Variants in SHANK2 observed in about 807,000 individuals in gnomAD.
SHANK2 encodes SH3 and multiple ankyrin repeat domains protein 2.
A neutral mutation model predicts 133.7 loss-of-function variants in SHANK2; 43 were observed. That is an observed-to-expected ratio of 0.32 (90% confidence interval 0.25 to 0.41). The LOEUF is 0.41. Ranked by LOEUF, SHANK2 falls within the 10% of genes least tolerant of loss-of-function variation. The probability of loss-of-function intolerance (pLI) is 1.00; values close to 1 mark genes in which losing one functional copy is unlikely to be tolerated. For synonymous variants in SHANK2, 1,017 were observed against 952.8 expected (o/e 1.07, Z -1.24); for missense variants, 1,994 against 2,235.8 (o/e 0.89, Z 2.18).
chr11:70,639,005 C>CA lies in SHANK2; in HGVS notation c.2061+20822dup, dbSNP rs1311455698. 8.0e-5 allele frequency among the ~76,000 whole-genome samples: 12 copies of CA among 150,372 alleles called. 1 individual carries two copies. The highest frequency in any genetic ancestry group is 4.6e-4 in the Admixed American group (7 of 15,156). ...AGAGTGAGACTCCATCTCAAAAAAACAAAAAAACAAAAAAAAAACAAAAAA... is the reference window on the plus strand; with the variant it reads ...AGAGTGAGACTCCATCTCAAAAAAACAAAAAAAACAAAAAAAAAACAAAAAA... On this transcript the variant is annotated intron_variant, in intron 17 of 25. Transcript: ENST00000601538.
chr11:70,749,769 G>A (rs114584809), intron 14 of SHANK2, among the ~76,000 whole-genome samples: 1 of 152,044 alleles, frequency 6.6e-6, no homozygotes, highest in African/African-American at 2.4e-5. Flanking sequence ...ACAAGACTCA[G>A]GGAACTTGAC....
At chr11:70,632,738 C>G (rs377420434) in intron 17 of SHANK2, among the ~76,000 whole-genome samples, 1 of 152,084 alleles carries the variant, frequency 6.6e-6, no homozygotes, top group Non-Finnish European at 1.5e-5. Flanking sequence ...CAGAAAAGGG[C>G]GCATGAGGGT....
chr11:71,210,237 TATATATATA>T (rs1954236585), intron 2 of SHANK2, among the ~76,000 whole-genome samples: 1 of 104,522 alleles, frequency 9.6e-6, no homozygotes, highest in East Asian at 3.1e-4. Flanking sequence ...TATATATATA[TATATATATA>T]TATATATTTA....
intron 17 of SHANK2, among the ~76,000 whole-genome samples, chr11:70,639,807 C>A (rs2061153234): frequency 6.6e-6 from 1 of 152,050 alleles, no homozygotes; most frequent in African/African-American, 2.4e-5. Flanking sequence ...AGCGGACCCC[C>A]CTTGAGCCCC....
At position 70,807,560 on chromosome 11, in the gene SHANK2, G is replaced by A. The variant is rs927765481; in HGVS notation, c.1494-389C>T. ...AATTAAACTCTGGGCCAGGCGTGGT[G>A]GGATCACATCTGTAATCCCAGCACT... On this transcript the variant is annotated intron_variant, in intron 12 of 25. Coordinates refer to ENST00000601538, the MANE Select transcript of SHANK2 (RefSeq NM_012309.5). The surrounding 1 kb of genome is among the most constrained non-coding windows in gnomAD (Gnocchi z 4.8). 6.6e-6 allele frequency among the ~76,000 whole-genome samples: 1 copy of A among 152,248 alleles called. No homozygotes were observed. Among genetic ancestry groups the A allele is most frequent in the Admixed American group, 6.5e-5 (1 of 15,292 alleles).
chr11:71,188,712 C>G lies in SHANK2; in HGVS notation c.-13+35985G>C, dbSNP rs1236547892. Reference sequence around the variant, plus strand: ...CCCTGCTCACTCATCTGTCGCCCACCACACCTCTCCTCATCTGCTGAGGGC... The same window carrying G: ...CCCTGCTCACTCATCTGTCGCCCACGACACCTCTCCTCATCTGCTGAGGGC... On this transcript the variant is annotated intron_variant, in intron 2 of 25. Coordinates refer to ENST00000601538, the MANE Select transcript of SHANK2 (RefSeq NM_012309.5). The surrounding 1 kb of genome is among the most constrained non-coding windows in gnomAD (Gnocchi z 4.6). Among the ~76,000 whole-genome samples the G allele has an allele frequency of 2.0e-5, 3 of 152,184 alleles. No individual in the cohort carries two copies. The highest frequency in any genetic ancestry group is 4.4e-5 in the Non-Finnish European group (3 of 68,028).
At chr11:70,947,146 C>G (rs1950758501) in intron 10 of SHANK2, among the ~76,000 whole-genome samples, 1 of 123,844 alleles carries the variant, frequency 8.1e-6, no homozygotes, top group African/African-American at 2.7e-5. Context: ...CACACACACA[C>G]ACACACACAC....
At chr11:70,859,323 T>C (rs1300713686) in intron 11 of SHANK2, among the ~76,000 whole-genome samples, 1 of 151,928 alleles carries the variant, frequency 6.6e-6, no homozygotes, top group Non-Finnish European at 1.5e-5. Flanking sequence ...GAGGGATAGA[T>C]GAATGGACTG....
intron 2 of SHANK2, among the ~76,000 whole-genome samples, chr11:71,207,528 A>G (rs1954152000): frequency 6.6e-6 from 1 of 152,168 alleles, no homozygotes; most frequent in African/African-American, 2.4e-5. Flanking sequence ...AGCCTCCTAC[A>G]TTAGGTTTGT....
At chr11:70,541,565 G>A (rs900210783) in intron 17 of SHANK2, among the ~76,000 whole-genome samples, 8 of 152,236 alleles carry the variant, frequency 5.3e-5, no homozygotes, top group African/African-American at 1.9e-4. Flanking sequence ...CAGGGGTGAG[G>A]CCAGCAGGCA....
chr11:70,599,971 G>GAAAGAGAGAA (rs782190120), intron 17 of SHANK2, among the ~76,000 whole-genome samples: 5 of 105,096 alleles, frequency 4.8e-5, no homozygotes, highest in African/African-American at 2.1e-4. Context: ...AAGAAAGAAA[G>GAAAGAGAGAA]AAAATGTATC....
At chr11:70,880,490 C>T (rs541038186) in intron 11 of SHANK2, among the ~76,000 whole-genome samples, 27 of 152,304 alleles carry the variant, frequency 1.8e-4, no homozygotes, top group African/African-American at 5.5e-4. Flanking sequence ...AAGAGAAAGC[C>T]GGAGAGGCAG....
intron 15 of SHANK2, among the ~76,000 whole-genome samples, chr11:70,672,875 C>A (rs1252143285): frequency 6.6e-6 from 1 of 152,234 alleles, no homozygotes; most frequent in Non-Finnish European, 1.5e-5. Flanking sequence ...GTGGAGAAGG[C>A]CCACTTTCTA....
intron 14 of SHANK2, among the ~76,000 whole-genome samples, chr11:70,730,623 G>A (rs563834701): frequency 6.6e-6 from 1 of 152,162 alleles, no homozygotes; most frequent in East Asian, 1.9e-4. Context: ...TGGGCACCTG[G>A]TCCCTGCAGA....
At chr11:70,880,287 G>A (rs555039891) in intron 11 of SHANK2, among the ~76,000 whole-genome samples, 79 of 152,254 alleles carry the variant, frequency 5.2e-4, no homozygotes, top group Non-Finnish European at 6.5e-4. Flanking sequence ...TGCACTAATC[G>A]GGCATCCTGG....
In SHANK2 at chr11:71,108,593, C is replaced by T. The variant is rs559829356; in HGVS notation, c.592+1348G>A. Among the ~76,000 whole-genome samples the T allele has an allele frequency of 7.0e-4, 107 of 152,332 alleles. 1 individual carries two copies. Among genetic ancestry groups the T allele is most frequent in the Non-Finnish European group, 1.2e-3 (82 of 68,036 alleles). On this transcript the variant is annotated intron_variant, in intron 6 of 25. Transcript: ENST00000601538. ...CGGCTGAGACTGCCCAGACCTCCAG[C>T]GGAAGCCCAGCCTTGTCCACGTCAC... is the stretch of plus-strand genomic sequence containing the variant.
chr11:70,834,599 A>T (rs1371006902), intron 11 of SHANK2, among the ~76,000 whole-genome samples: 2 of 152,236 alleles, frequency 1.3e-5, no homozygotes, highest in African/African-American at 2.4e-5. Context: ...TTTCCCTCGT[A>T]GCTTTAGATA....
At chr11:71,080,728 C>T (rs971067754) in intron 8 of SHANK2, among the ~76,000 whole-genome samples, 5 of 152,180 alleles carry the variant, frequency 3.3e-5, no homozygotes, top group South Asian at 2.1e-4. Flanking sequence ...GTGGGCTGCC[C>T]GTCAGTAGAG....
At position 70,896,089 on chromosome 11, in the gene SHANK2, A is replaced by T. The variant is rs78514739; in HGVS notation, c.1174+412T>A. Among the ~76,000 whole-genome samples, 598 of 152,272 alleles carry T rather than the reference A, an allele frequency of 3.9e-3. 2 individuals are homozygous for T. The highest frequency in any genetic ancestry group is 6.1e-3 in the Non-Finnish European group (417 of 68,036). On this transcript the variant is annotated intron_variant, in intron 11 of 25. Transcript: ENST00000601538. ...GACAAATGCGTAACGACATGTATCA[A>T]TTTTTATCATTAATGGGGAAAATCA...
Sources: gnomAD v4.1 joint callset for allele counts (sites outside exome capture counted in the v4.1 genomes callset) on GRCh38, gnomAD v4.1.1 for gene constraint, Gnocchi (gnomAD v3.1) non-coding constraint, MANE v1.5 for transcripts, NCBI Gene and HGNC (gene_info 2026-07-23, HGNC 2026-07-21) for gene names.